HCN1: variants seen among roughly 807,000 people sequenced by gnomAD.
The protein encoded by HCN1 is hyperpolarization activated cyclic nucleotide gated potassium channel 1.
A neutral mutation model predicts 78.9 loss-of-function variants in HCN1; 13 were observed. The observed-to-expected ratio is 0.16, with a 90% CI of 0.11 to 0.26. The LOEUF is 0.26. HCN1 is among the 10% of genes least tolerant of loss of function. The pLI, the probability that HCN1 is intolerant of heterozygous loss-of-function variation, is 1.00. For synonymous variants in HCN1, 552 were observed against 455.5 expected (o/e 1.21, Z -2.70); for missense variants, 810 against 1,154.3 (o/e 0.70, Z 4.32).
intron 5 of HCN1, among the ~76,000 whole-genome samples, chr5:45,323,198 C>G (rs1348066109): frequency 6.6e-6 from 1 of 151,590 alleles, no homozygotes; most frequent in Non-Finnish European, 1.5e-5. Flanking sequence ...AGATGTGATG[C>G]AAGTATTAAA....
intron 3 of HCN1, among the ~76,000 whole-genome samples, chr5:45,412,609 T>A (rs1004698789): frequency 2.0e-5 from 3 of 152,082 alleles, no homozygotes; most frequent in African/African-American, 7.2e-5. Flanking sequence ...TCTATTTACA[T>A]AAGAAAGTAA....
chr5:45,285,571 G>C (rs772159273), intron 6 of HCN1, among the ~76,000 whole-genome samples: 34 of 151,892 alleles, frequency 2.2e-4, no homozygotes, highest in Non-Finnish European at 2.5e-4. Flanking sequence ...AGTTATTAAA[G>C]GTATTTATAT....
At chr5:45,485,324 T>C (rs1397269374) in intron 2 of HCN1, among the ~76,000 whole-genome samples, 2 of 152,222 alleles carry the variant, frequency 1.3e-5, no homozygotes, top group Non-Finnish European at 2.9e-5. Context: ...AAACTTTGCA[T>C]GTAAACCATG....
intron 2 of HCN1, among the ~76,000 whole-genome samples, chr5:45,469,261 C>G (rs1410265393): frequency 6.6e-6 from 1 of 151,852 alleles, no homozygotes; most frequent in Non-Finnish European, 1.5e-5. Context: ...AACGAAAGAG[C>G]AAGCATAACC....
At chr5:45,463,937 C>G (rs188768157) in intron 2 of HCN1, among the ~76,000 whole-genome samples, 4 of 152,116 alleles carry the variant, frequency 2.6e-5, no homozygotes, top group Admixed American at 2.6e-4. Flanking sequence ...TTATTTGAGG[C>G]AACTAATAAC....
At chr5:45,444,959 C>T (rs1245647684) in intron 3 of HCN1, among the ~76,000 whole-genome samples, 1 of 152,146 alleles carries the variant, frequency 6.6e-6, no homozygotes, top group Non-Finnish European at 1.5e-5. Context: ...CTGAGCAATG[C>T]AGAAGACGGA....
chr5:45,320,331 G>A (rs1746098705), intron 5 of HCN1, among the ~76,000 whole-genome samples: 1 of 151,698 alleles, frequency 6.6e-6, no homozygotes, highest in Admixed American at 6.6e-5. Context: ...CAGTAGCTTG[G>A]GTTCTTTATA....
At chr5:45,609,617 T>C (rs1264536863) in intron 2 of HCN1, among the ~76,000 whole-genome samples, 2 of 152,140 alleles carry the variant, frequency 1.3e-5, no homozygotes, top group African/African-American at 2.4e-5. Flanking sequence ...ACATCATTTC[T>C]ACCTTGACTG....
chr5:45,374,967 G>T (rs937137644), intron 4 of HCN1, among the ~76,000 whole-genome samples: 10 of 141,820 alleles, frequency 7.1e-5, no homozygotes, highest in African/African-American at 2.6e-4. Context: ...GTCGACAGCA[G>T]TGTGGGATTT....
At chr5:45,314,301 C>A (rs1051778900) in intron 5 of HCN1, among the ~76,000 whole-genome samples, 41 of 152,258 alleles carry the variant, frequency 2.7e-4, no homozygotes, top group South Asian at 1.0e-3. Flanking sequence ...ACTTTACAGA[C>A]AAGCAAATGC....
Position 45,262,290 on chromosome 5 carries a change from G to A in HCN1, c.2304C>T (p.His768=). The change falls in exon 8 of 8, where the codon CAC becomes CAT. Residue 768 remains histidine, a synonymous_variant. Coordinates refer to ENST00000303230, the MANE Select transcript of HCN1 (RefSeq NM_021072.4). ...TGTTGTGAAGCGCCTGCGTGCTCTT[G>A]TGCACTTCATTTTTCGGCGTGGAGC... The part of the protein sequence containing the change: ...PGSSTPKNEV[H]KSTQALHNTN... 2 of 1,614,012 alleles carry A rather than the reference G, an allele frequency of 1.2e-6. No individual in the cohort carries two copies. Among genetic ancestry groups the A allele is most frequent in the African/African-American group, 1.3e-5 (1 of 75,060 alleles).
chr5:45,371,802 C>G (rs1747369003), intron 4 of HCN1, among the ~76,000 whole-genome samples: 1 of 136,546 alleles, frequency 7.3e-6, no homozygotes, highest in African/African-American at 2.7e-5. Flanking sequence ...CATACACACA[C>G]AAGGTGTATA....
chr5:45,404,309 C>A (rs1028475411), intron 3 of HCN1, among the ~76,000 whole-genome samples: 12 of 151,926 alleles, frequency 7.9e-5, no homozygotes, highest in African/African-American at 2.9e-4. Flanking sequence ...TCCAAATATA[C>A]CCAGTTTCAT....
At chr5:45,491,003 A>G (rs756075329) in intron 2 of HCN1, among the ~76,000 whole-genome samples, 2 of 152,060 alleles carry the variant, frequency 1.3e-5, no homozygotes, top group African/African-American at 2.4e-5. Flanking sequence ...CACCTTAACC[A>G]TACATCAGTT....
At chr5:45,345,182 C>T (rs1285601600) in intron 5 of HCN1, among the ~76,000 whole-genome samples, 1 of 152,174 alleles carries the variant, frequency 6.6e-6, no homozygotes, top group Non-Finnish European at 1.5e-5. Context: ...CCCCTTTTAT[C>T]AATGGCTGAA....
intron 2 of HCN1, among the ~76,000 whole-genome samples, chr5:45,542,425 A>C (rs1379138513): frequency 6.6e-6 from 1 of 151,998 alleles, no homozygotes; most frequent in Non-Finnish European, 1.5e-5. Flanking sequence ...TTTCTGGTGC[A>C]TATTTTTTCT....
intron 3 of HCN1, among the ~76,000 whole-genome samples, chr5:45,460,022 G>T (rs981627649): frequency 6.6e-6 from 1 of 151,928 alleles, no homozygotes; most frequent in Non-Finnish European, 1.5e-5. Context: ...TTTAGTTATC[G>T]AAACTACCAT....
Position 45,261,764 on chromosome 5 carries a change from G to A in HCN1, c.*157C>T, listed in dbSNP as rs1744739194. Reference sequence around the variant, plus strand: ...TTTAGATATATATTTTATAGTATATGTATATATATTTTTACATTTCACGTG... The same window carrying A: ...TTTAGATATATATTTTATAGTATATATATATATATTTTTACATTTCACGTG... On this transcript the variant is annotated 3_prime_UTR_variant, in exon 8 of 8. Transcript: ENST00000303230. The A allele has an allele frequency of 1.3e-6, 1 of 796,860 alleles. No individual in the cohort carries two copies. The allele number at this position is 796,860 out of a possible 1,614,324, so 49.4% of individuals were successfully genotyped here. A position where few individuals can be genotyped will look rare whatever the true frequency, so the allele number is the denominator to read the frequency against.
chr5:45,449,211 A>G (rs967053576), intron 3 of HCN1, among the ~76,000 whole-genome samples: 2 of 152,252 alleles, frequency 1.3e-5, no homozygotes, highest in Non-Finnish European at 2.9e-5. Flanking sequence ...AAAGTAACCA[A>G]GGTACAAATA....
Sources: gnomAD v4.1 joint callset for allele counts (sites outside exome capture counted in the v4.1 genomes callset) on GRCh38, gnomAD v4.1.1 for gene constraint, MANE v1.5 for transcripts, NCBI Gene and HGNC (gene_info 2026-07-23, HGNC 2026-07-21) for gene names.